TSHR: variants seen among roughly 807,000 people sequenced by gnomAD.
The protein encoded by TSHR is thyroid stimulating hormone receptor.
Under a neutral mutation model 64.1 loss-of-function variants are expected in TSHR, and 51 were observed. The ratio of observed to expected loss-of-function variants is 0.80; its 90% CI spans 0.64 to 1.01. The LOEUF is 1.01. Ranked by LOEUF, TSHR falls within the 50% of genes least tolerant of loss-of-function variation. The pLI is 0.00. For missense variants in TSHR, 877 were observed against 942.8 expected (o/e 0.93, Z 0.91); for synonymous variants, 361 against 361.9 (o/e 1.00, Z 0.03).
chr14:81,111,828 A>G (rs1890235947), intron 8 of TSHR, among the ~76,000 whole-genome samples: 1 of 152,196 alleles, frequency 6.6e-6, no homozygotes, highest in Non-Finnish European at 1.5e-5. Flanking sequence ...TGAAATTAAT[A>G]TGGTACCCAA....
chr14:81,122,087 A>G (rs1447755271), intron 8 of TSHR, among the ~76,000 whole-genome samples: 1 of 99,938 alleles, frequency 1.0e-5, no homozygotes, highest in African/African-American at 3.9e-5. Context: ...TCTGTCACCC[A>G]GGCTGGAGTG....
chr14:81,112,098 G>C (rs908125124), intron 8 of TSHR, among the ~76,000 whole-genome samples: 6 of 152,094 alleles, frequency 3.9e-5, no homozygotes, highest in Non-Finnish European at 8.8e-5. Context: ...TGGCATTCCA[G>C]GTTGTGGAAA....
At chr14:80,977,044 C>T (rs1887918641) in intron 1 of TSHR, among the ~76,000 whole-genome samples, 1 of 152,238 alleles carries the variant, frequency 6.6e-6, no homozygotes, top group South Asian at 2.1e-4. Context: ...CTCTATAGAG[C>T]TACCTTCTCT....
chr14:81,115,164 A>G (rs991438952), intron 8 of TSHR, among the ~76,000 whole-genome samples: 3 of 152,198 alleles, frequency 2.0e-5, no homozygotes, highest in African/African-American at 7.2e-5. Context: ...CCAGCAACGG[A>G]ACAAAGCTGG....
intron 1 of TSHR, among the ~76,000 whole-genome samples, chr14:81,024,942 T>C (rs1464267451): frequency 6.6e-6 from 1 of 152,200 alleles, no homozygotes; most frequent in Non-Finnish European, 1.5e-5. Context: ...TTTACTGTCA[T>C]ATGGAATTTA....
At chr14:81,077,025 TTC>T (rs139298481) in intron 3 of TSHR, among the ~76,000 whole-genome samples, 10 of 150,848 alleles carry the variant, frequency 6.6e-5, no homozygotes, top group South Asian at 2.1e-4. Context: ...AGACATTTAT[TTC>T]TCTCTCTCTC....
intron 1 of TSHR, among the ~76,000 whole-genome samples, chr14:81,026,482 G>A (rs2139812206): frequency 6.6e-6 from 1 of 151,998 alleles, no homozygotes; most frequent in African/African-American, 2.4e-5. Context: ...AAAGAAGCAA[G>A]GCAACAAAAC....
intron 1 of TSHR, among the ~76,000 whole-genome samples, chr14:81,044,908 C>G (rs1458608654): frequency 6.6e-6 from 1 of 152,066 alleles, no homozygotes; most frequent in Non-Finnish European, 1.5e-5. Flanking sequence ...AGCATATACC[C>G]AAAGTAGTAT....
At chr14:81,049,782 T>G (rs1268248733) in intron 1 of TSHR, 2 of 152,142 alleles carry the variant, frequency 1.3e-5, no homozygotes, top group Non-Finnish European at 2.9e-5. Flanking sequence ...TATAGTGAGT[T>G]CTCACAAGAG....
At chr14:80,965,065 G>T (rs1887229595) in intron 1 of TSHR, among the ~76,000 whole-genome samples, 1 of 152,252 alleles carries the variant, frequency 6.6e-6, no homozygotes, top group Non-Finnish European at 1.5e-5. Context: ...AGCAAAGGCA[G>T]CCCCTGAGCT....
chr14:81,052,129 TGTCAAGGAGC>T, intron 1 of TSHR: 1 of 152,182 alleles, frequency 6.6e-6, no homozygotes, highest in East Asian at 1.9e-4. Flanking sequence ...CCCAGACCAA[TGTCAAGGAGC>T]TTTTCTCCTA....
intron 8 of TSHR, among the ~76,000 whole-genome samples, chr14:81,122,623 C>T (rs1196867138): frequency 3.3e-5 from 5 of 152,002 alleles, no homozygotes; most frequent in African/African-American, 1.2e-4. Context: ...AAAAGAAAGC[C>T]AAATCCTCAT....
intron 1 of TSHR, among the ~76,000 whole-genome samples, chr14:80,977,092 G>A (rs1887921706): frequency 6.6e-6 from 1 of 152,172 alleles, no homozygotes; most frequent in Admixed American, 6.5e-5. Flanking sequence ...AGGATCCCAT[G>A]GTCACAGGCT....
intron 1 of TSHR, among the ~76,000 whole-genome samples, chr14:80,969,714 T>C (rs1243356240): frequency 6.6e-6 from 1 of 152,200 alleles, no homozygotes; most frequent in African/African-American, 2.4e-5. Context: ...ATTTATAAAA[T>C]GAGTCATCTA....
chr14:80,969,119 C>G (rs1887462880), intron 1 of TSHR, among the ~76,000 whole-genome samples: 1 of 152,190 alleles, frequency 6.6e-6, no homozygotes, highest in African/African-American at 2.4e-5. Context: ...GCTATTGATT[C>G]AGCTCATATC....
intron 8 of TSHR, among the ~76,000 whole-genome samples, chr14:81,120,125 C>T (rs1268609401): frequency 6.7e-6 from 1 of 148,240 alleles, no homozygotes; most frequent in African/African-American, 2.5e-5. Context: ...CACATGTATA[C>T]ATATGTAACT....
intron 1 of TSHR, among the ~76,000 whole-genome samples, chr14:81,019,456 TC>T (rs1270457855): frequency 3.3e-4 from 48 of 144,430 alleles, no homozygotes; most frequent in African/African-American, 1.2e-3. Context: ...AATCATCAAT[TC>T]TTTTTTTTTT....
intron 1 of TSHR, among the ~76,000 whole-genome samples, chr14:80,978,278 C>T (rs1019436817): frequency 6.6e-6 from 1 of 152,170 alleles, no homozygotes; most frequent in Non-Finnish European, 1.5e-5. Flanking sequence ...CTGTGCCACC[C>T]AGAATGGGAT....
At chr14:81,007,291 G>A (rs900123684) in intron 1 of TSHR, among the ~76,000 whole-genome samples, 8 of 152,174 alleles carry the variant, frequency 5.3e-5, no homozygotes, top group Admixed American at 2.0e-4. Context: ...TGCTGCTTAA[G>A]CCATTCAGTC....
Sources: gnomAD v4.1 joint callset for allele counts (sites outside exome capture counted in the v4.1 genomes callset) on GRCh38, gnomAD v4.1.1 for gene constraint, MANE v1.5 for transcripts, NCBI Gene and HGNC (gene_info 2026-07-23, HGNC 2026-07-21) for gene names.